NEK1: variants seen among roughly 807,000 people sequenced by gnomAD.
The protein encoded by NEK1 is serine/threonine-protein kinase Nek1.
In NEK1, 137 loss-of-function variants were observed where a neutral mutation model predicts 182.1. The observed-to-expected ratio is 0.75, with a 90% CI of 0.65 to 0.87. NEK1 has a LOEUF of 0.87. Ranked by LOEUF, NEK1 falls within the 40% of genes least tolerant of loss-of-function variation. The pLI is 0.00. For synonymous variants in NEK1, 513 were observed against 492.2 expected (o/e 1.04, Z -0.56); for missense variants, 1,391 against 1,494.4 (o/e 0.93, Z 1.14).
At chr4:169,596,685 C>T (rs1322041734) in intron 5 of NEK1, among the ~76,000 whole-genome samples, 2 of 152,148 alleles carry the variant, frequency 1.3e-5, no homozygotes, top group Non-Finnish European at 2.9e-5. Flanking sequence ...CACTTACATT[C>T]TAGAAAGGGA....
intron 35 of NEK1, among the ~76,000 whole-genome samples, chr4:169,396,530 C>T (rs971846792): frequency 1.1e-4 from 16 of 151,992 alleles, no homozygotes; most frequent in African/African-American, 2.2e-4. Flanking sequence ...ACTATCAAAT[C>T]GCTTACACAT....
intron 6 of NEK1, 69 bp from the exon 7 acceptor site, chr4:169,589,583 C>A: frequency 9.9e-7 from 1 of 1,011,860 alleles, no homozygotes; most frequent in South Asian, 1.6e-5. Flanking sequence ...CAACATTTTT[C>A]ATAAAATTTA....
chr4:169,405,572 A>T (rs1369157071), intron 32 of NEK1, among the ~76,000 whole-genome samples: 1 of 152,148 alleles, frequency 6.6e-6, no homozygotes, highest in Non-Finnish European at 1.5e-5. Context: ...AAGTGGAAAG[A>T]TTGCTTGAGT....
intron 18 of NEK1, among the ~76,000 whole-genome samples, chr4:169,540,994 C>A (rs11732322): frequency 0.088 from 13,407 of 151,842 alleles, 769 homozygotes; most frequent in African/African-American, 0.16. Context: ...TGCCTCACAT[C>A]CATGGTTCAA....
intron 18 of NEK1, among the ~76,000 whole-genome samples, chr4:169,542,044 C>CT (rs2149833006): frequency 6.6e-6 from 1 of 152,222 alleles, no homozygotes; most frequent in African/African-American, 2.4e-5. Flanking sequence ...TTTTATTACA[C>CT]TTTAAGTTCT....
intron 28 of NEK1, 71 bp from the exon 29 acceptor site, chr4:169,433,736 T>C (rs1050500640): frequency 4.6e-5 from 67 of 1,451,460 alleles, no homozygotes; most frequent in Non-Finnish European, 6.2e-5. Flanking sequence ...ATAAACTTGC[T>C]ATAAATTATT....
At chr4:169,542,762 T>G (rs1032861514) in intron 18 of NEK1, among the ~76,000 whole-genome samples, 5 of 152,184 alleles carry the variant, frequency 3.3e-5, no homozygotes, top group Non-Finnish European at 7.4e-5. Context: ...GAAGAGCTTT[T>G]TTTTTTTCAT....
chr4:169,595,870 C>T (rs1162395822), intron 5 of NEK1, among the ~76,000 whole-genome samples: 1 of 146,674 alleles, frequency 6.8e-6, no homozygotes, highest in Admixed American at 7.0e-5. Context: ...TTGCAGTGAG[C>T]CGAGATCACG....
At chr4:169,415,494 T>C (rs543043655) in intron 31 of NEK1, among the ~76,000 whole-genome samples, 2 of 151,658 alleles carry the variant, frequency 1.3e-5, no homozygotes, top group East Asian at 3.9e-4. Flanking sequence ...ATTTTGACTA[T>C]CATTTAAACA....
intron 19 of NEK1, among the ~76,000 whole-genome samples, chr4:169,534,629 T>C (rs951265247): frequency 6.6e-6 from 1 of 152,148 alleles, no homozygotes; most frequent in African/African-American, 2.4e-5. Flanking sequence ...CAATGAAGCA[T>C]TGGGTATTCA....
chr4:169,518,639 AT>A (rs1755539111), intron 19 of NEK1, among the ~76,000 whole-genome samples: 1 of 102,906 alleles, frequency 9.7e-6, no homozygotes, highest in Admixed American at 8.8e-5. Flanking sequence ...TCTTGTAGGG[AT>A]TTAGTGCTAT....
chr4:169,409,391 G>A (rs1217196403), intron 31 of NEK1, among the ~76,000 whole-genome samples: 1 of 151,952 alleles, frequency 6.6e-6, no homozygotes, highest in Non-Finnish European at 1.5e-5. Context: ...TGATCTGCCC[G>A]TCTTGGCCTC....
At chr4:169,526,009 C>T (rs1342888426) in intron 19 of NEK1, among the ~76,000 whole-genome samples, 1 of 152,132 alleles carries the variant, frequency 6.6e-6, no homozygotes, top group Non-Finnish European at 1.5e-5. Context: ...AGTAGATTTT[C>T]AGTCATTTTA....
At chr4:169,489,040 T>A (rs562654340) in intron 23 of NEK1, among the ~76,000 whole-genome samples, 1 of 152,304 alleles carries the variant, frequency 6.6e-6, no homozygotes, top group African/African-American at 2.4e-5. Context: ...GAGACCAAAA[T>A]CAGGTATTCT....
At chr4:169,534,301 C>T (rs557867316) in intron 19 of NEK1, among the ~76,000 whole-genome samples, 1 of 152,252 alleles carries the variant, frequency 6.6e-6, no homozygotes, top group East Asian at 1.9e-4. Flanking sequence ...AGGTGGTAAA[C>T]CCAACAGCTG....
At chr4:169,480,298 C>T (rs1747738673) in intron 23 of NEK1, among the ~76,000 whole-genome samples, 1 of 152,022 alleles carries the variant, frequency 6.6e-6, no homozygotes, top group Non-Finnish European at 1.5e-5. Context: ...TAGACCTTCA[C>T]TTTACAACAA....
Position 169,507,746 on chromosome 4 carries a change from T to C in NEK1, c.1880A>G (p.Asp627Gly). Residue 627 changes from aspartate to glycine, a missense_variant, in exon 22 of 36, where the codon GAC becomes GGC. Asp to Gly is a moderately conservative substitution (Grantham distance 94). Around this residue, in one of 5 missense-constraint regions of NEK1, gnomAD observed 1,216 missense variants for 1,277.6 expected, o/e 0.95. Transcript: ENST00000507142. ...TGATTCGATTTTTTTGCGCCTCATG[T>C]CAGCCTCTTCACTTCCTTCTTGTCC... Reference protein sequence around the residue: ...SEGQEGSEEADMRRKKIESLK... With the variant: ...SEGQEGSEEAGMRRKKIESLK... The C allele has an allele frequency of 6.2e-7, 1 of 1,613,210 alleles. No individual in the cohort carries two copies. The highest frequency in any genetic ancestry group is 1.1e-5 in the South Asian group (1 of 91,042).
chr4:169,607,309 T>G (rs560878599), intron 2 of NEK1, among the ~76,000 whole-genome samples: 1 of 152,114 alleles, frequency 6.6e-6, no homozygotes, highest in Non-Finnish European at 1.5e-5. Context: ...AAAACAGATA[T>G]AGACTCACAA....
In NEK1 at chr4:169,543,593, C is replaced by T. The variant is rs138893342; in HGVS notation, c.1563-5682G>A. 8.5e-5 allele frequency among the ~76,000 whole-genome samples: 13 copies of T among 152,268 alleles called. No homozygotes were observed. The East Asian group carries it at 2.5e-3, about 29-fold the overall frequency. On this transcript the variant is annotated intron_variant, in intron 18 of 35. Transcript: ENST00000507142. The stretch of plus-strand genomic sequence containing the variant: ...ACTTTGGGCAGTATAGTCATTTTCA[C>T]AATATTGGTTCTTCCTATCCATGAG...
Sources: allele counts gnomAD v4.1 joint callset (sites outside exome capture counted in the v4.1 genomes callset), GRCh38; gene constraint gnomAD v4.1.1; regional missense constraint gnomAD v4.1.1; transcripts MANE v1.5; gene names NCBI Gene and HGNC (gene_info 2026-07-23, HGNC 2026-07-21).